The following SRRM4 variants were observed in gnomAD, a reference collection of about 807,000 sequenced individuals.
The protein encoded by SRRM4 is serine/arginine repetitive matrix 4.
Under a neutral mutation model 68.9 loss-of-function variants are expected in SRRM4, and 33 were observed. The ratio of observed to expected loss-of-function variants is 0.48; its 90% CI spans 0.36 to 0.64. The LOEUF (loss-of-function observed/expected upper bound fraction) is 0.64, where lower values mean the gene tolerates loss of function less well. Among genes scored for constraint, SRRM4 ranks in the 30% least tolerant of loss-of-function variants. SRRM4 has a pLI of 0.00. For missense variants in SRRM4, 817 were observed against 827.1 expected (o/e 0.99, Z 0.15); for synonymous variants, 318 against 318.8 (o/e 1.00, Z 0.03).
chr12:119,123,325 G>A (rs991768958), intron 6 of SRRM4, among the ~76,000 whole-genome samples: 4 of 152,134 alleles, frequency 2.6e-5, no homozygotes, highest in Non-Finnish European at 4.4e-5. Flanking sequence ...CCTCATCATC[G>A]AATTTGTTCC....
At chr12:119,156,355 A>G (rs1954471026) in intron 12 of SRRM4, 140 bp from the exon 13 acceptor site, 6 of 1,302,080 alleles carry the variant, frequency 4.6e-6, no homozygotes, top group Non-Finnish European at 6.2e-6. Context: ...CAGCACTGCA[A>G]GAGAAGTGGA....
intron 1 of SRRM4, among the ~76,000 whole-genome samples, chr12:119,026,379 T>A (rs192208765): frequency 6.6e-6 from 1 of 151,964 alleles, no homozygotes; most frequent in Non-Finnish European, 1.5e-5. Flanking sequence ...AGAACTTGGT[T>A]CCTGTATGTG....
At chr12:119,008,634 G>A (rs1953430132) in intron 1 of SRRM4, among the ~76,000 whole-genome samples, 1 of 152,152 alleles carries the variant, frequency 6.6e-6, no homozygotes, top group Non-Finnish European at 1.5e-5. Context: ...GTAGGCTACT[G>A]CCTTTGACTA....
chr12:119,140,876 A>G (rs897619086), intron 8 of SRRM4, among the ~76,000 whole-genome samples: 5 of 152,198 alleles, frequency 3.3e-5, no homozygotes, highest in Admixed American at 2.0e-4. Flanking sequence ...TCTGGACCTC[A>G]AACTTTCTTC....
At chr12:119,000,474 G>C (rs1046216655) in intron 1 of SRRM4, among the ~76,000 whole-genome samples, 1 of 152,150 alleles carries the variant, frequency 6.6e-6, no homozygotes, top group Non-Finnish European at 1.5e-5. Context: ...TTTGACCCCA[G>C]TGAACCCTGT....
chr12:119,103,326 A>T lies in SRRM4; in HGVS notation c.278+944A>T, dbSNP rs1414265614. 1.2e-3 allele frequency among the ~76,000 whole-genome samples: 175 copies of T among 152,136 alleles called. 2 individuals are homozygous for T. The highest frequency in any genetic ancestry group is 2.8e-4 in the Non-Finnish European group (19 of 68,026). On this transcript the variant is annotated intron_variant, in intron 2 of 12. Coordinates refer to ENST00000267260, the MANE Select transcript of SRRM4 (RefSeq NM_194286.4). ...TGTTGCGTAGGTAAACATGTGTCAT[A>T]GGGATTTGTTGTATACATTATTTTA...
chr12:119,010,658 T>G (rs1026909177), intron 1 of SRRM4, among the ~76,000 whole-genome samples: 1 of 152,216 alleles, frequency 6.6e-6, no homozygotes, highest in Non-Finnish European at 1.5e-5. Flanking sequence ...ATCAAAAATT[T>G]TAAAAAATCT....
chr12:119,081,099 A>C (rs1953945150), intron 1 of SRRM4, among the ~76,000 whole-genome samples: 1 of 152,210 alleles, frequency 6.6e-6, no homozygotes, highest in African/African-American at 2.4e-5. Context: ...AGATCCGAGA[A>C]ATAGCTGTGA....
intron 5 of SRRM4, among the ~76,000 whole-genome samples, chr12:119,121,239 G>C (rs4767785): frequency 0.48 from 72,178 of 151,918 alleles, 17,859 homozygotes; most frequent in African/African-American, 0.61. Context: ...CTGGCTTCAA[G>C]GTGTAAGATA....
intron 1 of SRRM4, among the ~76,000 whole-genome samples, chr12:119,037,367 G>A (rs1953636149): frequency 6.6e-6 from 1 of 152,176 alleles, no homozygotes; most frequent in African/African-American, 2.4e-5. Flanking sequence ...GGCCTTGTGG[G>A]TGGAGCTGGT....
At chr12:119,040,873 C>T (rs760140504) in intron 1 of SRRM4, among the ~76,000 whole-genome samples, 3 of 152,074 alleles carry the variant, frequency 2.0e-5, no homozygotes, top group Non-Finnish European at 4.4e-5. Context: ...CCTCAGCCTC[C>T]TGAGAAGCTG....
intron 1 of SRRM4, among the ~76,000 whole-genome samples, chr12:119,098,862 C>A (rs1045864133): frequency 1.3e-5 from 2 of 152,166 alleles, no homozygotes; most frequent in African/African-American, 4.8e-5. Flanking sequence ...TAGAATCAGA[C>A]CACATCTTAT....
intron 1 of SRRM4, among the ~76,000 whole-genome samples, chr12:119,070,818 C>T (rs1953873566): frequency 6.6e-6 from 1 of 152,194 alleles, no homozygotes; most frequent in African/African-American, 2.4e-5. Flanking sequence ...TTCCCTGACA[C>T]CTGGAATGAA....
At chr12:119,083,770 C>G (rs116447608) in intron 1 of SRRM4, among the ~76,000 whole-genome samples, 1 of 152,146 alleles carries the variant, frequency 6.6e-6, no homozygotes, top group Non-Finnish European at 1.5e-5. Flanking sequence ...GCTGACAGTG[C>G]AGCTGCCCAG....
At chr12:119,096,867 G>A (rs1158225676) in intron 1 of SRRM4, among the ~76,000 whole-genome samples, 1 of 152,200 alleles carries the variant, frequency 6.6e-6, no homozygotes, top group Non-Finnish European at 1.5e-5. Flanking sequence ...AAGCAGGGAA[G>A]CAGCTAGGGA....
intron 4 of SRRM4, among the ~76,000 whole-genome samples, chr12:119,119,748 G>A (rs530679996): frequency 4.6e-5 from 7 of 152,158 alleles, no homozygotes; most frequent in East Asian, 3.9e-4. Context: ...TGATGATGAC[G>A]GTGATGATGA....
At chr12:119,059,433 T>C (rs910129051) in intron 1 of SRRM4, among the ~76,000 whole-genome samples, 3 of 152,082 alleles carry the variant, frequency 2.0e-5, no homozygotes, top group Non-Finnish European at 4.4e-5. Flanking sequence ...CAGAGGAAGC[T>C]TACAGAGGAA....
intron 8 of SRRM4, chr12:119,132,241 G>A (rs1954302819): frequency 6.6e-6 from 1 of 152,132 alleles, no homozygotes; most frequent in Non-Finnish European, 1.5e-5. Flanking sequence ...AAAGTATAGA[G>A]GCCTAGATTT....
intron 1 of SRRM4, among the ~76,000 whole-genome samples, chr12:119,021,325 T>C (rs923567803): frequency 6.6e-6 from 1 of 152,102 alleles, no homozygotes; most frequent in Non-Finnish European, 1.5e-5. Context: ...AAACCTGTAG[T>C]TCAAGGCAGA....
Sources: gnomAD v4.1 joint callset for allele counts (sites outside exome capture counted in the v4.1 genomes callset) on GRCh38, gnomAD v4.1.1 for gene constraint, MANE v1.5 for transcripts, NCBI Gene and HGNC (gene_info 2026-07-23, HGNC 2026-07-21) for gene names.